The following RBFOX2 variants were observed in gnomAD, a reference collection of about 807,000 sequenced individuals.
RBFOX2 encodes RNA binding fox-1 homolog 2.
A neutral mutation model predicts 49.1 loss-of-function variants in RBFOX2; 10 were observed. The observed-to-expected ratio is 0.20, with a 90% CI of 0.13 to 0.35. The LOEUF (loss-of-function observed/expected upper bound fraction) is 0.35. RBFOX2 is among the 10% of genes least tolerant of loss of function. The pLI is 1.00. For synonymous variants in RBFOX2, 183 were observed against 187.4 expected (o/e 0.98, Z 0.19); for missense variants, 323 against 486.9 (o/e 0.66, Z 3.17).
At chr22:35,898,477 GT>G in intron 1 of RBFOX2, 1 of 375,316 alleles carries the variant, frequency 2.7e-6, no homozygotes, top group Non-Finnish European at 4.9e-6. Flanking sequence ...CCAGGCTGCA[GT>G]GCAGTGGCGT....
intron 1 of RBFOX2, among the ~76,000 whole-genome samples, chr22:35,944,514 TAA>T (rs1424340912): frequency 1.3e-5 from 2 of 152,174 alleles, no homozygotes; most frequent in East Asian, 1.9e-4. Context: ...AAAATACAGT[TAA>T]GAGAGGTACA....
In RBFOX2 at chr22:35,804,275, C is replaced by T. The variant is rs1006963163; in HGVS notation, c.252+5505G>A. 2.0e-5 allele frequency among the ~76,000 whole-genome samples: 3 copies of T among 151,534 alleles called. No individual in the cohort carries two copies. The East Asian group carries it at 5.8e-4, about 29-fold the overall frequency. On this transcript the variant is annotated intron_variant, in intron 2 of 11. Coordinates refer to ENST00000405409, the Ensembl canonical transcript of RBFOX2. Reference sequence around the variant, plus strand: ...CCTGGGCAACAGAGCAAGACTTCATCTCGGGGGAAAAGAAAATTATGTGTA... The same window carrying T: ...CCTGGGCAACAGAGCAAGACTTCATTTCGGGGGAAAAGAAAATTATGTGTA...
At position 35,896,758 on chromosome 22, in the gene RBFOX2, C is replaced by T. The variant is rs117694036; in HGVS notation, c.-34+42089G>A. On this transcript the variant is annotated intron_variant, in intron 1 of 13. Coordinates refer to the RBFOX2 transcript ENST00000359369. The stretch of plus-strand genomic sequence containing the variant: ...GTATTCTTCTTGGCCTCACCCAAAC[C>T]TTTTCTTTTTCTCTACATAGAACCT... 3.0e-4 allele frequency among the ~76,000 whole-genome samples: 45 copies of T among 152,316 alleles called. No individual in the cohort carries two copies. In the East Asian group the frequency reaches 4.8e-3, roughly 16 times the overall value.
At chr22:35,977,761 T>TACACAC (rs1556504286) in intron 1 of RBFOX2, among the ~76,000 whole-genome samples, 1 of 90,936 alleles carries the variant, frequency 1.1e-5, no homozygotes, top group Admixed American at 1.2e-4. Flanking sequence ...TATATATATA[T>TACACAC]ACATGCACAC....
intron 4 of RBFOX2, among the ~76,000 whole-genome samples, chr22:35,771,229 A>G (rs1021066516): frequency 3.3e-5 from 5 of 152,212 alleles, no homozygotes; most frequent in South Asian, 2.1e-4. Flanking sequence ...GTTGGGCCCA[A>G]TGTAATACAG....
At chr22:35,953,080 G>A (rs1017601429) in intron 1 of RBFOX2, among the ~76,000 whole-genome samples, 6 of 151,684 alleles carry the variant, frequency 4.0e-5, no homozygotes, top group African/African-American at 1.5e-4. Flanking sequence ...GCCTGGTGGC[G>A]GGTGCCTGTA....
intron 6 of RBFOX2, among the ~76,000 whole-genome samples, chr22:35,763,404 A>G (rs965784232): frequency 6.6e-6 from 1 of 152,106 alleles, no homozygotes; most frequent in Non-Finnish European, 1.5e-5. Context: ...TCTACTAAAA[A>G]TACAAAAATT....
chr22:36,027,057 T>C (rs2059466039), intron 1 of RBFOX2, among the ~76,000 whole-genome samples: 1 of 137,088 alleles, frequency 7.3e-6, no homozygotes, highest in South Asian at 2.1e-4. Flanking sequence ...CTTACCCAAG[T>C]CACCATCTTC....
chr22:35,985,727 C>T (rs905006641), intron 1 of RBFOX2, among the ~76,000 whole-genome samples: 11 of 151,994 alleles, frequency 7.2e-5, no homozygotes, highest in African/African-American at 2.7e-4. Flanking sequence ...CAAAGAAAAA[C>T]AGTTAAAGAG....
chr22:36,008,793 A>G (rs1281170591), intron 1 of RBFOX2, among the ~76,000 whole-genome samples: 1 of 152,172 alleles, frequency 6.6e-6, no homozygotes, highest in African/African-American at 2.4e-5. Flanking sequence ...AGCCTGGGCC[A>G]CAGAATGAGA....
At chr22:35,891,763 ATCTG>A (rs1293085957) in intron 1 of RBFOX2, among the ~76,000 whole-genome samples, 2 of 152,006 alleles carry the variant, frequency 1.3e-5, no homozygotes, top group African/African-American at 2.4e-5. Flanking sequence ...CAGGAATCAT[ATCTG>A]TCTGTCTCTT....
chr22:35,781,167 A>G (rs1477225760), intron 3 of RBFOX2, among the ~76,000 whole-genome samples: 1 of 152,226 alleles, frequency 6.6e-6, no homozygotes, highest in East Asian at 1.9e-4. Context: ...AGGCATAGGC[A>G]TCAATATTTT....
chr22:35,917,848 C>T (rs977622098), intron 1 of RBFOX2, among the ~76,000 whole-genome samples: 5 of 152,168 alleles, frequency 3.3e-5, no homozygotes, highest in Non-Finnish European at 7.3e-5. Flanking sequence ...AGGGCTTGGC[C>T]ACTCCTTGGT....
chr22:35,980,608 T>C (rs971325207), intron 1 of RBFOX2, among the ~76,000 whole-genome samples: 2 of 150,058 alleles, frequency 1.3e-5, no homozygotes, highest in African/African-American at 4.9e-5. Context: ...AATTAAGCGG[T>C]TTTCTTCTGG....
intron 1 of RBFOX2, among the ~76,000 whole-genome samples, chr22:35,937,575 G>A (rs2053235067): frequency 6.6e-6 from 1 of 151,982 alleles, no homozygotes. Context: ...TTTTTTTGTA[G>A]TTGTTGTTTT....
chr22:35,936,826 T>C (rs190457769), intron 1 of RBFOX2, among the ~76,000 whole-genome samples: 15 of 152,330 alleles, frequency 9.8e-5, no homozygotes, highest in Non-Finnish European at 1.8e-4. Context: ...CTTAGCTCCT[T>C]ATTGATCTAT....
chr22:35,876,487 A>T (rs943638160), intron 1 of RBFOX2, among the ~76,000 whole-genome samples: 1 of 152,152 alleles, frequency 6.6e-6, no homozygotes, highest in Non-Finnish European at 1.5e-5. Flanking sequence ...TATAATAGGC[A>T]GTACCACAGC....
At chr22:36,005,109 G>A (rs2058572274) in intron 1 of RBFOX2, among the ~76,000 whole-genome samples, 1 of 152,166 alleles carries the variant, frequency 6.6e-6, no homozygotes, top group African/African-American at 2.4e-5. Flanking sequence ...AATACTGGCT[G>A]TATTCAAAAG....
intron 2 of RBFOX2, among the ~76,000 whole-genome samples, chr22:35,805,719 A>C (rs1226961252): frequency 1.3e-5 from 2 of 152,236 alleles, no homozygotes; most frequent in Non-Finnish European, 2.9e-5. Flanking sequence ...ATCTGGAAGC[A>C]ACCAAGATGC....
Sources: gnomAD v4.1 joint callset for allele counts (sites outside exome capture counted in the v4.1 genomes callset) on GRCh38, gnomAD v4.1.1 for gene constraint, MANE v1.5 for transcripts, NCBI Gene and HGNC (gene_info 2026-07-23, HGNC 2026-07-21) for gene names.